The following ZCCHC7 variants were observed in gnomAD, a reference collection of about 807,000 sequenced individuals.
ZCCHC7 encodes the protein zinc finger CCHC-type containing 7, also known as zinc finger CCHC domain-containing protein 7.
In ZCCHC7, 35 loss-of-function variants were observed where a neutral mutation model predicts 52.0. The observed-to-expected ratio is 0.67, with a 90% CI of 0.51 to 0.89. The LOEUF (loss-of-function observed/expected upper bound fraction) is 0.89, where lower values mean the gene tolerates loss of function less well. Among genes scored for constraint, ZCCHC7 ranks in the 40% least tolerant of loss-of-function variants. The pLI, the probability that ZCCHC7 is intolerant of heterozygous loss-of-function variation, is 0.00. For synonymous variants in ZCCHC7, 217 were observed against 221.5 expected, an observed-to-expected ratio of 0.98 and a Z score of 0.18; for missense variants, 574 against 649.1, an observed-to-expected ratio of 0.88 and a Z score of 1.26.
At chr9:37,137,155 A>C (rs1261863443) in intron 2 of ZCCHC7, among the ~76,000 whole-genome samples, 1 of 152,224 alleles carries the variant, frequency 6.6e-6, no homozygotes, top group Non-Finnish European at 1.5e-5. Flanking sequence ...CCTAAAATGC[A>C]TGACAGTATG....
intron 2 of ZCCHC7, among the ~76,000 whole-genome samples, chr9:37,261,586 T>C (rs1365549155): frequency 6.6e-6 from 1 of 152,226 alleles, no homozygotes; most frequent in African/African-American, 2.4e-5. Context: ...CAGGAGCTTC[T>C]GGGTCAGTTG....
intron 2 of ZCCHC7, among the ~76,000 whole-genome samples, chr9:37,158,766 CTA>C (rs1469008788): frequency 1.3e-5 from 2 of 151,958 alleles, no homozygotes; most frequent in East Asian, 1.9e-4. Flanking sequence ...ATTTTGTACA[CTA>C]TGTGTGAAAG....
At chr9:37,332,484 T>C (rs74320597) in intron 6 of ZCCHC7, among the ~76,000 whole-genome samples, 1,781 of 151,644 alleles carry the variant, frequency 0.012, 32 homozygotes, top group African/African-American at 0.041. Context: ...ATGAATAGTT[T>C]TATGTTATTT....
At chr9:37,237,062 G>A (rs1823683189) in intron 2 of ZCCHC7, among the ~76,000 whole-genome samples, 1 of 152,016 alleles carries the variant, frequency 6.6e-6, no homozygotes, top group African/African-American at 2.4e-5. Flanking sequence ...CTAACCAAAG[G>A]CAATTCTAAT....
At chr9:37,145,288 T>C (rs1843387810) in intron 2 of ZCCHC7, among the ~76,000 whole-genome samples, 2 of 151,980 alleles carry the variant, frequency 1.3e-5, no homozygotes, top group African/African-American at 2.4e-5. Context: ...ATTAAGTAAA[T>C]TGTTTAAAAT....
intron 6 of ZCCHC7, among the ~76,000 whole-genome samples, chr9:37,335,695 T>C (rs1159334962): frequency 1.3e-5 from 2 of 152,184 alleles, no homozygotes; most frequent in Non-Finnish European, 2.9e-5. Flanking sequence ...CTCTTTACTC[T>C]GTCTCCTAAC....
At chr9:37,228,180 C>T (rs1159427391) in intron 2 of ZCCHC7, among the ~76,000 whole-genome samples, 2 of 152,116 alleles carry the variant, frequency 1.3e-5, no homozygotes, top group African/African-American at 2.4e-5. Context: ...ATTCTATAAA[C>T]GACAAAACTA....
At chr9:37,208,820 C>G (rs1824057324) in intron 2 of ZCCHC7, among the ~76,000 whole-genome samples, 1 of 152,144 alleles carries the variant, frequency 6.6e-6, no homozygotes, top group Non-Finnish European at 1.5e-5. Flanking sequence ...CCTTTTAACA[C>G]ATAAATCAGA....
At chr9:37,122,523 A>G (rs1842358914) in intron 1 of ZCCHC7, among the ~76,000 whole-genome samples, 1 of 152,246 alleles carries the variant, frequency 6.6e-6, no homozygotes, top group Non-Finnish European at 1.5e-5. Flanking sequence ...TTAGTTTTTA[A>G]ACTCTGCTGG....
chr9:37,321,035 C>T (rs1830030322), intron 5 of ZCCHC7, among the ~76,000 whole-genome samples: 1 of 137,064 alleles, frequency 7.3e-6, no homozygotes, highest in Non-Finnish European at 1.5e-5. Flanking sequence ...GTTGCCCAGG[C>T]TGGAGTGCAG....
chr9:37,185,446 A>G (rs1394525945), intron 2 of ZCCHC7, among the ~76,000 whole-genome samples: 1 of 152,204 alleles, frequency 6.6e-6, no homozygotes, highest in Non-Finnish European at 1.5e-5. Context: ...TTGCTACTTA[A>G]AGGAATGTAT....
upstream of ZCCHC7, chr9:37,120,499 C>A: frequency 2.5e-6 from 1 of 398,994 alleles, no homozygotes; most frequent in East Asian, 3.6e-5. Context: ...CTGTGTTGTC[C>A]CCGGAAGTGC....
intron 2 of ZCCHC7, chr9:37,186,731 T>C: frequency 1.7e-6 from 1 of 593,996 alleles, no homozygotes; most frequent in East Asian, 3.0e-5. Context: ...AAAATCTTTA[T>C]GAACTAACAA....
chr9:37,271,656 G>A (rs898766747), intron 2 of ZCCHC7, among the ~76,000 whole-genome samples: 5 of 152,088 alleles, frequency 3.3e-5, no homozygotes, highest in Non-Finnish European at 7.4e-5. Context: ...TGCAACCTCC[G>A]CCCTCCAGGT....
At chr9:37,304,134 C>T in intron 3 of ZCCHC7, 54 bp from the exon 4 acceptor site, 1 of 1,563,198 alleles carries the variant, frequency 6.4e-7, no homozygotes, top group Non-Finnish European at 8.7e-7. Flanking sequence ...TAGTAGATGG[C>T]TTTTATTTAG....
At position 37,285,341 on chromosome 9, in the gene ZCCHC7, G is replaced by A. The variant is rs536735253; in HGVS notation, c.611-16847G>A. Among the ~76,000 whole-genome samples the A allele has an allele frequency of 6.3e-4, 96 of 152,218 alleles. 9 individuals carry two copies. The highest frequency in any genetic ancestry group is 1.2e-4 in the Non-Finnish European group (8 of 67,986). On this transcript the variant is annotated intron_variant, in intron 2 of 8. Transcript: ENST00000336755. ...ACCTAGGTTTTTATTCATACCTGGTGTTTCTTTATAAACTGCCTCTCTTTT... is the reference window on the plus strand; with the variant it reads ...ACCTAGGTTTTTATTCATACCTGGTATTTCTTTATAAACTGCCTCTCTTTT...
At chr9:37,195,942 A>G (rs1392177810) in intron 2 of ZCCHC7, among the ~76,000 whole-genome samples, 9 of 152,194 alleles carry the variant, frequency 5.9e-5, no homozygotes, top group Non-Finnish European at 4.4e-5. Context: ...TGATTTTTTA[A>G]AATAATTCAA....
At position 37,350,123 on chromosome 9, in the gene ZCCHC7, T is replaced by G. The variant is rs373279322; in HGVS notation, c.1083+671T>G. 8.3e-4 allele frequency among the ~76,000 whole-genome samples: 115 copies of G among 138,548 alleles called. 2 individuals carry two copies. The highest frequency in any genetic ancestry group is 4.9e-3 in the South Asian group (21 of 4,276). 90.9% of individuals were successfully genotyped at this position (138,548 alleles called of 152,430 possible). A position where few individuals can be genotyped will look rare whatever the true frequency, so the allele number is the denominator to read the frequency against. On this transcript the variant is annotated intron_variant, in intron 7 of 8. Coordinates refer to ENST00000336755, the MANE Select transcript of ZCCHC7 (RefSeq NM_032226.3). ...TTTTGTTGTGTTTTGGGGTTTGTTTTTTTTTTTTTTGGTTTTTTTTTTGAG... is the reference window on the plus strand; with the variant it reads ...TTTTGTTGTGTTTTGGGGTTTGTTTGTTTTTTTTTTGGTTTTTTTTTTGAG...
intron 2 of ZCCHC7, among the ~76,000 whole-genome samples, chr9:37,268,234 C>T (rs1254766590): frequency 6.6e-6 from 1 of 152,046 alleles, no homozygotes; most frequent in African/African-American, 2.4e-5. Flanking sequence ...CTCTAATGTG[C>T]TCTCAAAACC....
Sources: gnomAD v4.1 joint callset for allele counts (sites outside exome capture counted in the v4.1 genomes callset) on GRCh38, gnomAD v4.1.1 for gene constraint, MANE v1.5 for transcripts, NCBI Gene and HGNC (gene_info 2026-07-23, HGNC 2026-07-21) for gene names.